Variants in PUDP observed in about 807,000 individuals in gnomAD.
The protein encoded by PUDP is pseudouridine 5'-phosphatase.
Under a neutral mutation model 9.4 loss-of-function variants are expected in PUDP, and 8 were observed. The ratio of observed to expected loss-of-function variants is 0.85; its 90% CI spans 0.50 to 1.53. The LOEUF (loss-of-function observed/expected upper bound fraction) is 1.53. PUDP is among the 40% of genes most tolerant of loss of function. The pLI, the probability that PUDP is intolerant of heterozygous loss-of-function variation, is 0.00. For synonymous variants in PUDP, 99 were observed against 80.7 expected, an observed-to-expected ratio of 1.23 and a Z score of -1.22; for missense variants, 188 against 189.7, an observed-to-expected ratio of 0.99 and a Z score of 0.05.
chrX:6,875,241 A>T (rs375853808), intron 3 of PUDP, among the ~76,000 whole-genome samples: 2 of 110,168 alleles, frequency 1.8e-5, no homozygotes, highest in South Asian at 8.0e-4. Flanking sequence ...GCTAATTTTT[A>T]TATTTTTTGT....
chrX:6,769,275 G>C (rs764980899), intron 3 of PUDP, among the ~76,000 whole-genome samples: 16 of 112,220 alleles, frequency 1.4e-4, no homozygotes, highest in Non-Finnish European at 2.4e-4. Flanking sequence ...AAAGAAGACA[G>C]CTGGTGAATA....
At chrX:7,109,480 T>C (rs944683102) in intron 1 of PUDP, among the ~76,000 whole-genome samples, 1 of 111,879 alleles carries the variant, frequency 8.9e-6, no homozygotes, top group Admixed American at 9.4e-5. Flanking sequence ...GAAAGGAGTG[T>C]GGACAAAGGC....
chrX:6,718,372 G>T, intron 1 of PUDP, among the ~76,000 whole-genome samples: 1 of 112,109 alleles, frequency 8.9e-6, no homozygotes, highest in South Asian at 3.7e-4. Context: ...ACTGAATAAA[G>T]AAAATCTGGT....
intron 1 of PUDP, among the ~76,000 whole-genome samples, chrX:7,021,202 A>G (rs1929628195): frequency 8.9e-6 from 1 of 112,341 alleles, no homozygotes; most frequent in Non-Finnish European, 1.9e-5. Flanking sequence ...TTATATAAAA[A>G]AGTAATGTGT....
At chrX:6,954,894 G>A (rs755797364) in intron 3 of PUDP, among the ~76,000 whole-genome samples, 26 of 111,962 alleles carry the variant, frequency 2.3e-4, no homozygotes, top group Non-Finnish European at 3.4e-4. Context: ...TCTATCACAC[G>A]GGTATTGATG....
chrX:6,751,592 G>A (rs1440307995), intron 3 of PUDP, among the ~76,000 whole-genome samples: 1 of 111,408 alleles, frequency 9.0e-6, no homozygotes, highest in Non-Finnish European at 1.9e-5. Context: ...ATTAGGTAAG[G>A]AGAATCTCTT....
At chrX:7,134,582 T>C (rs73627532) in intron 1 of PUDP, among the ~76,000 whole-genome samples, 16 of 112,229 alleles carry the variant, frequency 1.4e-4, no homozygotes, top group African/African-American at 4.2e-4. Flanking sequence ...GTCAGCAAAA[T>C]GCCAGTACTA....
At chrX:7,034,898 T>C (rs777955764) in intron 1 of PUDP, among the ~76,000 whole-genome samples, 63 of 112,038 alleles carry the variant, frequency 5.6e-4, no homozygotes, top group African/African-American at 2.0e-3. Context: ...CAGGTCTAGT[T>C]CTCTATCTTC....
intron 1 of PUDP, among the ~76,000 whole-genome samples, chrX:7,130,235 A>G (rs1932584572): frequency 9.0e-6 from 1 of 110,966 alleles, no homozygotes; most frequent in Non-Finnish European, 1.9e-5. Flanking sequence ...AACAAAGATT[A>G]AGCCTGAAGT....
intron 3 of PUDP, among the ~76,000 whole-genome samples, chrX:6,913,903 C>G (rs780662916): frequency 9.0e-6 from 1 of 110,523 alleles, no homozygotes; most frequent in Non-Finnish European, 1.9e-5. Context: ...AGATCTGTGC[C>G]CCCCCAACTG....
chrX:6,955,839 C>T (rs1928619356), intron 3 of PUDP, among the ~76,000 whole-genome samples: 1 of 104,575 alleles, frequency 9.6e-6, no homozygotes. Flanking sequence ...ATAGTTTAAA[C>T]TATAGGGCTT....
chrX:6,750,939 A>T (rs1021210258), intron 3 of PUDP, among the ~76,000 whole-genome samples: 4 of 110,913 alleles, frequency 3.6e-5, no homozygotes, highest in South Asian at 3.9e-4. Flanking sequence ...GGAGATGGAG[A>T]CCATCCTGGC....
chrX:7,023,095 G>C (rs1234186970), intron 1 of PUDP, among the ~76,000 whole-genome samples: 1 of 111,831 alleles, frequency 8.9e-6, no homozygotes, highest in Non-Finnish European at 1.9e-5. Context: ...CATTTGGCTA[G>C]ACTACTCAGA....
Position 6,994,949 on chromosome X carries a change from A to C in PUDP, c.205-16606T>G, listed in dbSNP as rs150752613. Among the ~76,000 whole-genome samples the C allele has an allele frequency of 5.8e-3, 640 of 111,123 alleles. 6 individuals are homozygous for C. Among genetic ancestry groups the C allele is most frequent in the African/African-American group, 0.02 (603 of 30,586 alleles). ...ATGTATAATTGGTACTCTCATAAAA[A>C]GAAGGGAAAGTACTATAGGAAAAAA... is the stretch of plus-strand genomic sequence containing the variant. On this transcript the variant is annotated intron_variant and NMD_transcript_variant, in intron 1 of 3. Coordinates refer to the PUDP transcript ENST00000655425.
intron 3 of PUDP, among the ~76,000 whole-genome samples, chrX:6,802,617 C>T (rs1602625577): frequency 9.0e-6 from 1 of 110,524 alleles, no homozygotes; most frequent in Non-Finnish European, 1.9e-5. Flanking sequence ...GGTGCGGTGG[C>T]TCACATCTGT....
chrX:6,770,411 C>T (rs1243441432), intron 3 of PUDP, among the ~76,000 whole-genome samples: 1 of 112,274 alleles, frequency 8.9e-6, no homozygotes, highest in Non-Finnish European at 1.9e-5. Context: ...AACCACAGAC[C>T]CAATGGGGTA....
intron 3 of PUDP, among the ~76,000 whole-genome samples, chrX:6,816,022 A>G (rs955097189): frequency 4.7e-5 from 5 of 106,790 alleles, no homozygotes; most frequent in African/African-American, 1.7e-4. Flanking sequence ...TTGAGACAGT[A>G]TATAGCTATT....
At chrX:6,765,069 C>A (rs1192568120) in intron 3 of PUDP, among the ~76,000 whole-genome samples, 6 of 107,542 alleles carry the variant, frequency 5.6e-5, no homozygotes. Flanking sequence ...GAGTTTGACA[C>A]CAGCCTGGGC....
intron 1 of PUDP, chrX:6,989,478 T>G (rs1043048484): frequency 6.2e-6 from 1 of 160,083 alleles, no homozygotes; most frequent in Non-Finnish European, 1.3e-5. Context: ...AACTGGAAGA[T>G]GGACGTACTT....
Sources: gnomAD v4.1 joint callset for allele counts (sites outside exome capture counted in the v4.1 genomes callset) on GRCh38, gnomAD v4.1.1 for gene constraint, MANE v1.5 for transcripts, NCBI Gene and HGNC (gene_info 2026-07-23, HGNC 2026-07-21) for gene names.